Variants in CTCF observed in about 807,000 individuals in gnomAD.
CTCF encodes CCCTC-binding factor.
In CTCF, 7 loss-of-function variants were observed where a neutral mutation model predicts 72.3. The ratio of observed to expected loss-of-function variants is 0.10; its 90% CI spans 0.06 to 0.18. The LOEUF is 0.18. Ranked by LOEUF, CTCF falls within the 10% of genes least tolerant of loss-of-function variation. The probability of loss-of-function intolerance (pLI) is 1.00; values close to 1 mark genes in which losing one functional copy is unlikely to be tolerated. For synonymous variants in CTCF, 374 were observed against 315.8 expected (o/e 1.18, Z -1.95); for missense variants, 516 against 949.1 (o/e 0.54, Z 6.00).
rs1567616725 is a variant in CTCF, at chr16:67,629,745, C to CTTTTTTT, written c.1837+212_1837+213insTTTTTTT. ...TTCGTGGCATTCCGCTCATTAATGC[C>CTTTTTTT]CTTTTTTTTTTTTTTTTTTTTTTTT... On this transcript the variant is annotated intron_variant, in intron 10 of 11. Transcript: ENST00000264010. Among the ~76,000 whole-genome samples, 31 of 85,064 alleles carry CTTTTTTT rather than the reference C, an allele frequency of 3.6e-4. 1 individual carries two copies. Among genetic ancestry groups the CTTTTTTT allele is most frequent in the Non-Finnish European group, 4.8e-4 (21 of 43,560 alleles). The allele number at this position is 85,064 out of a possible 152,430, so 55.8% of individuals were successfully genotyped here.
intron 2 of CTCF, among the ~76,000 whole-genome samples, chr16:67,610,188 T>G (rs909568507): frequency 1.3e-5 from 2 of 152,118 alleles, no homozygotes; most frequent in Non-Finnish European, 2.9e-5. Context: ...CTTGCAGTGT[T>G]TCCCTCGGTA....
chr16:67,614,115 G>C (rs1468091133), intron 4 of CTCF, among the ~76,000 whole-genome samples: 1 of 152,108 alleles, frequency 6.6e-6, no homozygotes, highest in Admixed American at 6.6e-5. Context: ...GGGAGGCCGA[G>C]GTGGGTGGAT....
rs932590197 is a variant in CTCF, at chr16:67,562,996, G to C, written c.-127+272G>C. 8.9e-5 allele frequency among the ~76,000 whole-genome samples: 13 copies of C among 145,318 alleles called. No individual in the cohort carries two copies. In the South Asian group the frequency reaches 2.8e-3, roughly 31 times the overall value. ...GGCCTCGGGCGGCGGCAGAGGCAGA[G>C]GCCCGCGCGCCCGGCGACTCCATTT... On this transcript the variant is annotated intron_variant, in intron 1 of 11. Coordinates refer to ENST00000264010, the MANE Select transcript of CTCF (RefSeq NM_006565.4).
At chr16:67,632,028 A>C (rs2052372018) in intron 10 of CTCF, among the ~76,000 whole-genome samples, 1 of 148,972 alleles carries the variant, frequency 6.7e-6, no homozygotes, top group Admixed American at 6.8e-5. Flanking sequence ...GAACTGAGAT[A>C]GTGTCACTGC....
intron 2 of CTCF, among the ~76,000 whole-genome samples, chr16:67,582,904 C>T (rs2051606419): frequency 6.6e-6 from 1 of 151,690 alleles, no homozygotes; most frequent in African/African-American, 2.4e-5. Context: ...ATTATCCTAT[C>T]ACGTATATAG....
At chr16:67,607,367 A>G (rs1285657084) in intron 2 of CTCF, among the ~76,000 whole-genome samples, 3 of 150,266 alleles carry the variant, frequency 2.0e-5, no homozygotes, top group African/African-American at 7.4e-5. Flanking sequence ...ATGCAGGGGC[A>G]CTTTCTCAGC....
At chr16:67,624,069 A>G (rs1228118200) in intron 7 of CTCF, among the ~76,000 whole-genome samples, 65 of 91,494 alleles carry the variant, frequency 7.1e-4, no homozygotes, top group African/African-American at 1.9e-3. Context: ...AAAAAATTAT[A>G]TATGTGTGTG....
intron 9 of CTCF, among the ~76,000 whole-genome samples, chr16:67,629,099 C>T (rs1212548579): frequency 1.3e-5 from 2 of 150,258 alleles, no homozygotes; most frequent in Non-Finnish European, 3.0e-5. Flanking sequence ...CTGCACCCCA[C>T]CCTACCCCAC....
At chr16:67,566,486 G>A (rs1039222406) in intron 1 of CTCF, among the ~76,000 whole-genome samples, 1 of 145,892 alleles carries the variant, frequency 6.9e-6, no homozygotes, top group African/African-American at 2.6e-5. Flanking sequence ...CTCCAGCCTG[G>A]GTGACAGAGT....
intron 2 of CTCF, among the ~76,000 whole-genome samples, chr16:67,586,569 C>T (rs991677642): frequency 6.6e-6 from 1 of 151,806 alleles, no homozygotes; most frequent in African/African-American, 2.4e-5. Flanking sequence ...GGCATGGCCC[C>T]TGTATTCCCA....
At chr16:67,601,432 G>T (rs184816400) in intron 2 of CTCF, among the ~76,000 whole-genome samples, 1 of 151,406 alleles carries the variant, frequency 6.6e-6, no homozygotes, top group East Asian at 2.0e-4. Context: ...TCCACCTCTC[G>T]GGTTCATGCC....
At chr16:67,610,422 G>A (rs935780676) in intron 2 of CTCF, among the ~76,000 whole-genome samples, 15 of 144,386 alleles carry the variant, frequency 1.0e-4, no homozygotes, top group African/African-American at 3.4e-4. Flanking sequence ...GTGCAATCTC[G>A]GCTCACTGCA....
chr16:67,628,226 T>C, intron 8 of CTCF, 144 bp from the exon 9 acceptor site: 3 of 686,652 alleles, frequency 4.4e-6, no homozygotes, highest in East Asian at 2.7e-5. Context: ...TCTCTAAATA[T>C]ATAGCTTTAT....
chr16:67,626,788 G>T (rs961951986), intron 8 of CTCF, 73 bp downstream of exon 8: 3 of 1,091,402 alleles, frequency 2.7e-6, no homozygotes, highest in South Asian at 3.3e-5. Flanking sequence ...TACATATCTA[G>T]TACAGTGGCT....
In CTCF at chr16:67,597,494, A is replaced by G. The variant is rs116280049; in HGVS notation, c.-9-13330A>G. On this transcript the variant is annotated intron_variant, in intron 2 of 11. Coordinates refer to ENST00000264010, the MANE Select transcript of CTCF (RefSeq NM_006565.4). ...GTTGGGATTACAGGTGCCCGCCACT[A>G]AGCACAGTTAATTTCTGTATTTTTA... Among the ~76,000 whole-genome samples the G allele has an allele frequency of 3.7e-3, 565 of 152,234 alleles. 7 individuals carry two copies. Among genetic ancestry groups the G allele is most frequent in the African/African-American group, 0.013 (525 of 41,554 alleles).
At chr16:67,591,839 G>A (rs2051748315) in intron 2 of CTCF, among the ~76,000 whole-genome samples, 2 of 151,968 alleles carry the variant, frequency 1.3e-5, no homozygotes, top group African/African-American at 2.4e-5. Context: ...GTCCCGAGTA[G>A]CTGGGACTAC....
chr16:67,584,632 C>A (rs2051643359), intron 2 of CTCF, among the ~76,000 whole-genome samples: 1 of 146,050 alleles, frequency 6.8e-6, no homozygotes, highest in African/African-American at 2.5e-5. Context: ...GGCCAGTCTT[C>A]TTTTTTTTTT....
intron 7 of CTCF, 49 bp downstream of exon 7, chr16:67,621,640 A>G (rs771935518): frequency 1.5e-6 from 2 of 1,352,830 alleles, no homozygotes; most frequent in African/African-American, 1.4e-5. Context: ...TGAAGGATTT[A>G]TATTTCGAAA....
intron 2 of CTCF, among the ~76,000 whole-genome samples, chr16:67,596,141 A>T (rs2051811845): frequency 1.3e-5 from 2 of 151,954 alleles, no homozygotes. Context: ...TTTAGTAGAG[A>T]CGGAGATTCA....
Sources: gnomAD v4.1 joint callset for allele counts (sites outside exome capture counted in the v4.1 genomes callset) on GRCh38, gnomAD v4.1.1 for gene constraint, MANE v1.5 for transcripts, NCBI Gene and HGNC (gene_info 2026-07-23, HGNC 2026-07-21) for gene names.